Variants in SHROOM3 observed in about 807,000 individuals in gnomAD.
SHROOM3 encodes the protein shroom family member 3, also known as protein Shroom3.
A neutral mutation model predicts 138.6 loss-of-function variants in SHROOM3; 47 were observed. The observed-to-expected ratio is 0.34, with a 90% CI of 0.27 to 0.43. The LOEUF is 0.43. Among genes scored for constraint, SHROOM3 ranks in the 20% least tolerant of loss-of-function variants. The pLI is 1.00. For missense variants in SHROOM3, 2,491 were observed against 2,596.5 expected (o/e 0.96, Z 0.88); for synonymous variants, 1,062 against 1,063.3 (o/e 1.00, Z 0.02).
At chr4:76,650,343 G>C (rs957160945) in intron 2 of SHROOM3, among the ~76,000 whole-genome samples, 1 of 152,104 alleles carries the variant, frequency 6.6e-6, no homozygotes, top group Non-Finnish European at 1.5e-5. Context: ...TAATGGGAAT[G>C]TAAATTAGCA....
chr4:76,441,157 C>T (rs897075003), intron 1 of SHROOM3, among the ~76,000 whole-genome samples: 6 of 135,098 alleles, frequency 4.4e-5, no homozygotes, highest in South Asian at 2.4e-4. Context: ...TGCAGTGGCG[C>T]GATCTCGGCT....
chr4:76,471,283 G>A (rs566451671), intron 1 of SHROOM3, among the ~76,000 whole-genome samples: 16 of 144,030 alleles, frequency 1.1e-4, no homozygotes, highest in Non-Finnish European at 2.0e-4. Flanking sequence ...TCACTCTGTC[G>A]CCCAGGCTGG....
chr4:76,573,546 G>C (rs1375650692), intron 2 of SHROOM3: 1 of 154,294 alleles, frequency 6.5e-6, no homozygotes, highest in Non-Finnish European at 1.5e-5. Flanking sequence ...TTTCTCCACT[G>C]CCCAGCTGTC....
chr4:76,538,663 A>T (rs1422932767), intron 1 of SHROOM3, among the ~76,000 whole-genome samples: 1 of 152,198 alleles, frequency 6.6e-6, no homozygotes, highest in African/African-American at 2.4e-5. Flanking sequence ...CTTAAAAAAA[A>T]CTTCAAGTAT....
At chr4:76,577,142 C>G (rs150074846) in intron 2 of SHROOM3, among the ~76,000 whole-genome samples, 1 of 152,158 alleles carries the variant, frequency 6.6e-6, no homozygotes, top group Non-Finnish European at 1.5e-5. Flanking sequence ...CTGACTCTAG[C>G]GTTCCAAAAG....
chr4:76,557,419 T>C (rs1733509573), intron 2 of SHROOM3, among the ~76,000 whole-genome samples: 1 of 152,052 alleles, frequency 6.6e-6, no homozygotes, highest in Non-Finnish European at 1.5e-5. Context: ...AAAGTCAAAC[T>C]CACAGAAACA....
At chr4:76,734,039 CCT>C (rs750155903) in intron 4 of SHROOM3, among the ~76,000 whole-genome samples, 6 of 152,142 alleles carry the variant, frequency 3.9e-5, no homozygotes, top group Admixed American at 2.0e-4. Flanking sequence ...AGTCTAGCCC[CCT>C]GACAAGAGGC....
Position 76,489,567 on chromosome 4 carries a change from T to C in SHROOM3, c.168+53347T>C, listed in dbSNP as rs2109992592. Among the ~76,000 whole-genome samples the C allele has an allele frequency of 1.3e-5, 2 of 152,326 alleles. 1 individual carries two copies. The highest frequency in any genetic ancestry group is 4.1e-4 in the South Asian group (2 of 4,824). On this transcript the variant is annotated intron_variant, in intron 1 of 10. Transcript: ENST00000296043. ...ATAAATAAATACTGTTAACAGCTTCTGGAAGCATAATGTGCTTTGAAAGAG... is the reference window on the plus strand; with the variant it reads ...ATAAATAAATACTGTTAACAGCTTCCGGAAGCATAATGTGCTTTGAAAGAG...
rs538450386 is a variant in SHROOM3, at chr4:76,642,983, G to T, written c.324-67173G>T. On this transcript the variant is annotated intron_variant, in intron 2 of 10. Coordinates refer to ENST00000296043, the MANE Select transcript of SHROOM3 (RefSeq NM_020859.4). ...GCACTTTGGGAGGCCGAGGCGGGCA[G>T]ATCACCTGAGGTAGGGAGTTCAAGA... Among the ~76,000 whole-genome samples, 135 of 152,238 alleles carry T rather than the reference G, an allele frequency of 8.9e-4. 1 individual carries two copies. The highest frequency in any genetic ancestry group is 3.1e-3 in the African/African-American group (130 of 41,546).
At chr4:76,694,433 C>G (rs1447270842) in intron 2 of SHROOM3, among the ~76,000 whole-genome samples, 9 of 152,060 alleles carry the variant, frequency 5.9e-5, no homozygotes, top group African/African-American at 2.2e-4. Flanking sequence ...AATCCTAGTT[C>G]TTTTAATTGA....
At chr4:76,580,813 T>C (rs1734037005) in intron 2 of SHROOM3, among the ~76,000 whole-genome samples, 4 of 152,214 alleles carry the variant, frequency 2.6e-5, no homozygotes, top group Admixed American at 2.6e-4. Flanking sequence ...AGTGGAGTGG[T>C]TGAGAGAGTT....
chr4:76,586,478 A>G, intron 2 of SHROOM3: 2 of 984,584 alleles, frequency 2.0e-6, no homozygotes, highest in Non-Finnish European at 2.4e-6. Flanking sequence ...AGGTAAGTCC[A>G]TTTTAAACCA....
chr4:76,750,863 G>A (rs1189980614), intron 6 of SHROOM3, among the ~76,000 whole-genome samples: 3 of 151,462 alleles, frequency 2.0e-5, no homozygotes, highest in Admixed American at 6.6e-5. Context: ...GAATAAATAT[G>A]ACAAGCATCG....
At chr4:76,726,673 G>T (rs1051587581) in intron 3 of SHROOM3, among the ~76,000 whole-genome samples, 3 of 151,878 alleles carry the variant, frequency 2.0e-5, no homozygotes, top group East Asian at 3.9e-4. Flanking sequence ...CCTCTGAGTA[G>T]TGGGGACTAC....
At chr4:76,632,545 C>T (rs1735356310) in intron 2 of SHROOM3, among the ~76,000 whole-genome samples, 1 of 152,104 alleles carries the variant, frequency 6.6e-6, no homozygotes, top group Non-Finnish European at 1.5e-5. Context: ...GTGGCTTTGA[C>T]AGAGCAATTA....
At chr4:76,750,174 G>A (rs1268674286) in intron 6 of SHROOM3, among the ~76,000 whole-genome samples, 1 of 152,180 alleles carries the variant, frequency 6.6e-6, no homozygotes, top group Non-Finnish European at 1.5e-5. Context: ...TCAAGGTGAG[G>A]TTGAGGACTT....
intron 1 of SHROOM3, among the ~76,000 whole-genome samples, chr4:76,514,287 G>A (rs1189423333): frequency 1.3e-5 from 2 of 151,950 alleles, no homozygotes; most frequent in Admixed American, 6.6e-5. Context: ...CATTAAATGT[G>A]GTATATCAAT....
chr4:76,668,236 C>T (rs1028019435), intron 2 of SHROOM3, among the ~76,000 whole-genome samples: 7 of 151,772 alleles, frequency 4.6e-5, no homozygotes, highest in Non-Finnish European at 1.0e-4. Context: ...TTGAAGGTGG[C>T]GGGGCAGGAT....
At chr4:76,525,903 T>G (rs1461496233) in intron 1 of SHROOM3, among the ~76,000 whole-genome samples, 1 of 152,168 alleles carries the variant, frequency 6.6e-6, no homozygotes, top group African/African-American at 2.4e-5. Flanking sequence ...TTCCCAGCCA[T>G]TACCTGAACT....
Sources: allele counts gnomAD v4.1 joint callset (sites outside exome capture counted in the v4.1 genomes callset), GRCh38; gene constraint gnomAD v4.1.1; transcripts MANE v1.5; gene names NCBI Gene and HGNC (gene_info 2026-07-23, HGNC 2026-07-21).